The following NTN1 variants were observed in gnomAD, a reference collection of about 807,000 sequenced individuals.
NTN1 encodes the protein netrin-1.
Under a neutral mutation model 54.2 loss-of-function variants are expected in NTN1, and 11 were observed. The ratio of observed to expected loss-of-function variants is 0.20; its 90% CI spans 0.13 to 0.34. NTN1 has a LOEUF of 0.34. NTN1 is among the 10% of genes least tolerant of loss of function. The pLI is 1.00. For missense variants in NTN1, 740 were observed against 893.1 expected, an observed-to-expected ratio of 0.83 and a Z score of 2.18; for synonymous variants, 371 against 382.0, an observed-to-expected ratio of 0.97 and a Z score of 0.33.
Position 9,212,518 on chromosome 17 carries a change from CCTG to C in NTN1, c.1412-8646_1412-8644del, listed in dbSNP as rs1905131031. 6.6e-6 allele frequency among the ~76,000 whole-genome samples: 1 copy of C among 152,222 alleles called. No individual in the cohort carries two copies. Among genetic ancestry groups the C allele is most frequent in the South Asian group, 2.1e-4 (1 of 4,830 alleles). On this transcript the variant is annotated intron_variant, in intron 5 of 6. Coordinates refer to ENST00000173229, the MANE Select transcript of NTN1 (RefSeq NM_004822.3). The surrounding 1 kb of genome is among the most constrained non-coding windows in gnomAD (Gnocchi z 5.5). ...GACTGGCCTCATTTGCCTTTTGTCA[CCTG>C]CTGGTGGGCAGAATGGCCCAGCCGA...
At chr17:9,028,515 C>T (rs182597610) in intron 2 of NTN1, among the ~76,000 whole-genome samples, 8 of 152,280 alleles carry the variant, frequency 5.3e-5, no homozygotes, top group African/African-American at 1.9e-4. Context: ...TCTATTAGCC[C>T]TGCCCAGTTT....
chr17:9,123,036 G>C (rs2142263119), intron 2 of NTN1, among the ~76,000 whole-genome samples: 1 of 152,242 alleles, frequency 6.6e-6, no homozygotes, highest in African/African-American at 2.4e-5. Context: ...GCCATTCTCA[G>C]TGTCCCCTTC....
At chr17:9,032,957 CT>C (rs34215544) in intron 2 of NTN1, among the ~76,000 whole-genome samples, 1,980 of 137,936 alleles carry the variant, frequency 0.014, 22 homozygotes, top group African/African-American at 0.044. Flanking sequence ...GAAATCAATC[CT>C]TTTTTTTTTT....
Position 9,192,897 on chromosome 17 carries a change from A to G in NTN1, c.1411+9928A>G, listed in dbSNP as rs539610282. Among the ~76,000 whole-genome samples, 10 of 152,232 alleles carry G rather than the reference A, an allele frequency of 6.6e-5. No individual in the cohort carries two copies. In the East Asian group the frequency reaches 1.5e-3, roughly 23 times the overall value. Reference sequence around the variant, plus strand: ...GGAGTTCAAGACCAGCCTGGCCAACATGGTGAAACCCCGTCTCTACTAAAA... The same window carrying G: ...GGAGTTCAAGACCAGCCTGGCCAACGTGGTGAAACCCCGTCTCTACTAAAA... On this transcript the variant is annotated intron_variant, in intron 5 of 6. Transcript: ENST00000173229.
chr17:9,013,148 A>T, the NTN1 span, among the ~76,000 whole-genome samples: 184 of 151,810 alleles, frequency 1.2e-3, no homozygotes, highest in African/African-American at 4.1e-3. Context: ...TGCCCAGGGA[A>T]GAATCTTCCT....
At position 9,035,770 on chromosome 17, in the gene NTN1, C is replaced by A. The variant is rs1194029522; in HGVS notation, c.1018+12379C>A. 7.2e-5 allele frequency among the ~76,000 whole-genome samples: 11 copies of A among 152,164 alleles called. No individual in the cohort carries two copies. The East Asian group carries it at 2.1e-3, about 29-fold the overall frequency. The stretch of plus-strand genomic sequence containing the variant: ...GGCATGGTGGATCATGCCTATCATC[C>A]CAGCACTTTGGGAGGCTGAGGCAGG... On this transcript the variant is annotated intron_variant, in intron 2 of 6. Transcript: ENST00000173229.
chr17:9,130,123 A>G (rs1040001213), intron 2 of NTN1, among the ~76,000 whole-genome samples: 5 of 152,158 alleles, frequency 3.3e-5, no homozygotes, highest in Admixed American at 6.6e-5. Flanking sequence ...CAGGGTAGTC[A>G]GTGGCTGTCT....
chr17:9,065,403 G>GCTCATCCA, intron 2 of NTN1, among the ~76,000 whole-genome samples: 1 of 152,276 alleles, frequency 6.6e-6, no homozygotes, highest in Non-Finnish European at 1.5e-5. Flanking sequence ...TCTTCTGTCT[G>GCTCATCCA]CTCTTGGCTG....
chr17:9,167,568 A>G (rs112290763), intron 3 of NTN1, among the ~76,000 whole-genome samples: 2 of 152,240 alleles, frequency 1.3e-5, no homozygotes, highest in African/African-American at 4.8e-5. Context: ...CCCCCTTTCA[A>G]GCCCACAGTT....
chr17:9,118,565 G>A (rs1027871082), intron 2 of NTN1, among the ~76,000 whole-genome samples: 1 of 152,144 alleles, frequency 6.6e-6, no homozygotes, highest in African/African-American at 2.4e-5. Context: ...TATATTCAGA[G>A]TTGTACAACC....
chr17:9,156,789 C>G (rs368710895), intron 2 of NTN1, among the ~76,000 whole-genome samples: 13 of 152,282 alleles, frequency 8.5e-5, no homozygotes, highest in African/African-American at 3.1e-4. Flanking sequence ...TGTCGCAAGG[C>G]TATGCCTTGT....
At chr17:9,237,748 C>T (rs1906038172) in intron 6 of NTN1, among the ~76,000 whole-genome samples, 2 of 152,160 alleles carry the variant, frequency 1.3e-5, no homozygotes, top group Admixed American at 1.3e-4. Context: ...CTGGGGGTGG[C>T]TCCCCCATTG....
chr17:9,097,488 A>G (rs1293996939), intron 2 of NTN1, among the ~76,000 whole-genome samples: 2 of 152,086 alleles, frequency 1.3e-5, no homozygotes, highest in African/African-American at 4.8e-5. Context: ...AGCTGGGTAT[A>G]TTGGCATGTG....
At chr17:9,227,249 C>T (rs949232674) in intron 6 of NTN1, among the ~76,000 whole-genome samples, 11 of 151,332 alleles carry the variant, frequency 7.3e-5, no homozygotes, top group Non-Finnish European at 1.2e-4. Context: ...ATCACACACA[C>T]ACACTTTATC....
intron 2 of NTN1, among the ~76,000 whole-genome samples, chr17:9,139,740 A>G (rs552618411): frequency 2.3e-4 from 35 of 152,330 alleles, no homozygotes; most frequent in Non-Finnish European, 4.3e-4. Flanking sequence ...CACAGTAAAA[A>G]TGTATTTACC....
intron 2 of NTN1, among the ~76,000 whole-genome samples, chr17:9,156,012 C>T (rs373006576): frequency 7.9e-5 from 12 of 152,260 alleles, no homozygotes; most frequent in African/African-American, 2.9e-4. Flanking sequence ...GAGTAGGTCT[C>T]CTGGTCCTTA....
intron 2 of NTN1, among the ~76,000 whole-genome samples, chr17:9,031,932 G>T (rs905141704): frequency 6.6e-6 from 1 of 151,990 alleles, no homozygotes; most frequent in Non-Finnish European, 1.5e-5. Flanking sequence ...CTGCACTCCA[G>T]CCTGGGTGAT....
Position 9,090,121 on chromosome 17 carries a change from T to C in NTN1, c.1018+66730T>C, listed in dbSNP as rs566125190. The stretch of plus-strand genomic sequence containing the variant: ...TTGACGCCTGTCTCCTCCCAACTTA[T>C]GGCATTGATCATCTTTTGGTAGGAG... On this transcript the variant is annotated intron_variant, in intron 2 of 6. Coordinates refer to ENST00000173229, the MANE Select transcript of NTN1 (RefSeq NM_004822.3). Among the ~76,000 whole-genome samples, 20 of 151,724 alleles carry C rather than the reference T, an allele frequency of 1.3e-4. No homozygotes were observed. The South Asian group carries it at 4.0e-3, about 30-fold the overall frequency.
At chr17:9,036,225 A>G (rs1018773547) in intron 2 of NTN1, among the ~76,000 whole-genome samples, 2 of 150,724 alleles carry the variant, frequency 1.3e-5, no homozygotes, top group African/African-American at 4.9e-5. Context: ...ACAAATTTAT[A>G]TCTGTATACA....
Sources: gnomAD v4.1 joint callset for allele counts (sites outside exome capture counted in the v4.1 genomes callset) on GRCh38, gnomAD v4.1.1 for gene constraint, Gnocchi (gnomAD v3.1) non-coding constraint, MANE v1.5 for transcripts, NCBI Gene and HGNC (gene_info 2026-07-23, HGNC 2026-07-21) for gene names.